The following PSEN1 variants were observed in gnomAD, a reference collection of about 807,000 sequenced individuals.
The protein encoded by PSEN1 is presenilin-1.
Under a neutral mutation model 53.5 loss-of-function variants are expected in PSEN1, and 15 were observed. The observed-to-expected ratio is 0.28, with a 90% CI of 0.19 to 0.43. PSEN1 has a LOEUF of 0.43. PSEN1 is among the 20% of genes least tolerant of loss of function. The pLI is 1.00. For synonymous variants in PSEN1, 208 were observed against 209.8 expected, an observed-to-expected ratio of 0.99 and a Z score of 0.08; for missense variants, 387 against 571.2, an observed-to-expected ratio of 0.68 and a Z score of 3.29.
At chr14:73,154,203 G>T (rs148475766) in intron 3 of PSEN1, among the ~76,000 whole-genome samples, 1 of 152,254 alleles carries the variant, frequency 6.6e-6, no homozygotes, top group East Asian at 1.9e-4. Flanking sequence ...ATACCTGTGT[G>T]TATATATTGA....
At chr14:73,192,059 A>T (rs1402755087) in intron 6 of PSEN1, among the ~76,000 whole-genome samples, 1 of 151,972 alleles carries the variant, frequency 6.6e-6, no homozygotes, top group Non-Finnish European at 1.5e-5. Flanking sequence ...CTGGTTTCCC[A>T]TTTATATGAA....
At chr14:73,216,510 C>T (rs1449075111) in intron 10 of PSEN1, among the ~76,000 whole-genome samples, 2 of 152,064 alleles carry the variant, frequency 1.3e-5, no homozygotes, top group Admixed American at 6.6e-5. Context: ...TCTGTAATCC[C>T]AGCACTTTGG....
chr14:73,197,773 C>T, intron 7 of PSEN1: 1 of 480,474 alleles, frequency 2.1e-6, no homozygotes. Flanking sequence ...AGTAACGATA[C>T]ACTGTACACT....
At position 73,173,386 on chromosome 14, in the gene PSEN1, T is replaced by G. The variant is rs180875304; in HGVS notation, c.339-180T>G. ...TGTTAGACATTTTCTTTGAAGCAAT[T>G]TTAGAGTGTAGCTGTTTTTCTCAGG... On this transcript the variant is annotated intron_variant, in intron 4 of 11. Transcript: ENST00000324501. Among the ~76,000 whole-genome samples the G allele has an allele frequency of 6.6e-5, 10 of 152,322 alleles. No individual in the cohort carries two copies. The East Asian group carries it at 1.9e-3, about 29-fold the overall frequency.
chr14:73,162,733 A>T (rs1376197034), intron 3 of PSEN1, among the ~76,000 whole-genome samples: 4 of 152,200 alleles, frequency 2.6e-5, no homozygotes, highest in Non-Finnish European at 5.9e-5. Flanking sequence ...AGTGGAGAAA[A>T]CAAAATGCTG....
intron 5 of PSEN1, among the ~76,000 whole-genome samples, chr14:73,177,221 A>G (rs1898071124): frequency 6.6e-6 from 1 of 152,212 alleles, no homozygotes; most frequent in Non-Finnish European, 1.5e-5. Context: ...ATCCTTAAAT[A>G]TAACTTTTAA....
At chr14:73,187,268 ATTG>A (rs1349817320) in intron 6 of PSEN1, among the ~76,000 whole-genome samples, 2 of 152,194 alleles carry the variant, frequency 1.3e-5, no homozygotes, top group East Asian at 1.9e-4. Context: ...ATACTTCTAT[ATTG>A]TTTTTTATCA....
chr14:73,169,948 A>G (rs1011366405), intron 3 of PSEN1, among the ~76,000 whole-genome samples: 8 of 152,188 alleles, frequency 5.3e-5, no homozygotes, highest in Non-Finnish European at 1.2e-4. Context: ...ACTTGATTAT[A>G]TGCTAAACAA....
At chr14:73,181,665 G>A (rs1898218053) in intron 5 of PSEN1, among the ~76,000 whole-genome samples, 1 of 152,192 alleles carries the variant, frequency 6.6e-6, no homozygotes, top group Non-Finnish European at 1.5e-5. Flanking sequence ...GATTACATTT[G>A]TGAAAGCAGA....
At chr14:73,178,712 AT>A in intron 5 of PSEN1, among the ~76,000 whole-genome samples, 7 of 152,094 alleles carry the variant, frequency 4.6e-5, no homozygotes, top group Admixed American at 3.3e-4. Flanking sequence ...CCGTCTTTAC[AT>A]TTTTTTATTC....
chr14:73,183,035 A>G (rs1302167804), intron 5 of PSEN1, among the ~76,000 whole-genome samples: 1 of 152,134 alleles, frequency 6.6e-6, no homozygotes, highest in Non-Finnish European at 1.5e-5. Context: ...TGTCTTGGCC[A>G]AGACAGACAA....
chr14:73,151,864 C>A (rs1459709018), intron 3 of PSEN1, among the ~76,000 whole-genome samples: 2 of 142,190 alleles, frequency 1.4e-5, no homozygotes, highest in East Asian at 4.1e-4. Context: ...CTACTGCGCC[C>A]AACCTAAAAT....
intron 1 of PSEN1, among the ~76,000 whole-genome samples, chr14:73,141,788 C>T (rs893250478): frequency 1.2e-4 from 18 of 150,298 alleles, no homozygotes; most frequent in African/African-American, 4.2e-4. Flanking sequence ...TACATCTTGG[C>T]CGGGTGCCGT....
At position 73,186,736 on chromosome 14, in the gene PSEN1, C is replaced by T. The variant is rs964008930; in HGVS notation, c.481-117C>T. 3.6e-5 allele frequency: 30 copies of T among 833,090 alleles called. 1 individual carries two copies. In the Admixed American group the frequency reaches 5.0e-4, roughly 14 times the overall value. The allele number at this position is 833,090 out of a possible 1,614,324, so 51.6% of individuals were successfully genotyped here. A position where few individuals can be genotyped will look rare whatever the true frequency, so the allele number is the denominator to read the frequency against. On this transcript the variant is annotated intron_variant, in intron 5 of 11. Coordinates refer to ENST00000324501, the MANE Select transcript of PSEN1 (RefSeq NM_000021.4). ...AGGTTGTGGTGAGCTGAGATCGTGCCACTGCACTCCAGTCTGGGCGACAAA... is the reference window on the plus strand; with the variant it reads ...AGGTTGTGGTGAGCTGAGATCGTGCTACTGCACTCCAGTCTGGGCGACAAA...
At chr14:73,188,743 C>A (rs983144011) in intron 6 of PSEN1, among the ~76,000 whole-genome samples, 2 of 152,160 alleles carry the variant, frequency 1.3e-5, no homozygotes, top group Non-Finnish European at 2.9e-5. Flanking sequence ...CTATTAAGGT[C>A]AGGAATGAGA....
At chr14:73,143,041 C>G (rs1205961340) in intron 1 of PSEN1, among the ~76,000 whole-genome samples, 3 of 152,290 alleles carry the variant, frequency 2.0e-5, no homozygotes, top group East Asian at 3.9e-4. Flanking sequence ...GTTCACAGGG[C>G]TAAGAATGTT....
chr14:73,151,620 A>G (rs961544281), intron 3 of PSEN1, among the ~76,000 whole-genome samples: 1 of 152,066 alleles, frequency 6.6e-6, no homozygotes, highest in Admixed American at 6.6e-5. Flanking sequence ...CAGTGGTGCA[A>G]TCTAAACTCA....
At chr14:73,197,004 C>T (rs1220885822) in intron 7 of PSEN1, among the ~76,000 whole-genome samples, 8 of 147,592 alleles carry the variant, frequency 5.4e-5, no homozygotes, top group Admixed American at 1.4e-4. Context: ...GCAATCTCGG[C>T]GCACTGCAAG....
At chr14:73,200,589 A>G (rs1256109810) in intron 8 of PSEN1, among the ~76,000 whole-genome samples, 2 of 152,236 alleles carry the variant, frequency 1.3e-5, no homozygotes, top group African/African-American at 4.8e-5. Context: ...CAAGTAATTC[A>G]TTATCCTTGA....
Sources: gnomAD v4.1 joint callset for allele counts (sites outside exome capture counted in the v4.1 genomes callset) on GRCh38, gnomAD v4.1.1 for gene constraint, MANE v1.5 for transcripts, NCBI Gene and HGNC (gene_info 2026-07-23, HGNC 2026-07-21) for gene names.